Variants in AVL9 observed in about 807,000 individuals in gnomAD.
AVL9 encodes late secretory pathway protein AVL9 homolog.
AVL9 carries 49 observed loss-of-function variants against 79.2 expected under a neutral mutation model. The ratio of observed to expected loss-of-function variants is 0.62; its 90% CI spans 0.49 to 0.79. AVL9 has a LOEUF of 0.79. AVL9 is among the 30% of genes least tolerant of loss of function. The probability of loss-of-function intolerance (pLI) is 0.00; values close to 1 mark genes in which losing one functional copy is unlikely to be tolerated. For missense variants in AVL9, 682 were observed against 776.8 expected (o/e 0.88, Z 1.45); for synonymous variants, 299 against 280.6 (o/e 1.07, Z -0.65).
At chr7:32,579,428 A>ATATAT (rs1791283252) in intron 13 of AVL9, among the ~76,000 whole-genome samples, 2 of 3,284 alleles carry the variant, frequency 6.1e-4, no homozygotes, top group East Asian at 0.019. Context: ...TATATATATA[A>ATATAT]TATATATATT....
Position 32,510,963 on chromosome 7 carries a change from G to A in AVL9, c.93+15161G>A, listed in dbSNP as rs189253560. On this transcript the variant is annotated intron_variant, in intron 1 of 15. Transcript: ENST00000318709. Reference sequence around the variant, plus strand: ...GATTTGTGAGCCGTCAGGTCTGGTTGTGGGAGTCCACAATCCTGGCACTTC... The same window carrying A: ...GATTTGTGAGCCGTCAGGTCTGGTTATGGGAGTCCACAATCCTGGCACTTC... Among the ~76,000 whole-genome samples, 3 of 144,382 alleles carry A rather than the reference G, an allele frequency of 2.1e-5. No individual in the cohort carries two copies. In the East Asian group the frequency reaches 6.1e-4, roughly 30 times the overall value. 94.7% of individuals were successfully genotyped at this position (144,382 alleles called of 152,430 possible). A position where few individuals can be genotyped will look rare whatever the true frequency, so the allele number is the denominator to read the frequency against.
At chr7:32,580,713 T>TTC in intron 14 of AVL9, 89 bp from the exon 15 acceptor site, 3 of 722,820 alleles carry the variant, frequency 4.2e-6, no homozygotes, top group Non-Finnish European at 7.2e-6. Context: ...AGAGTGACTA[T>TTC]TGTGTGTGTG....
intron 1 of AVL9, among the ~76,000 whole-genome samples, chr7:32,497,904 G>T (rs1786929217): frequency 6.6e-6 from 1 of 152,148 alleles, no homozygotes; most frequent in Non-Finnish European, 1.5e-5. Flanking sequence ...GCCCGCCTCG[G>T]CCTCCCAAAG....
intron 11 of AVL9, among the ~76,000 whole-genome samples, chr7:32,572,801 C>CAAAAAAAAAAAAAAAAAAAAAAAAA (rs3080635): frequency 2.1e-5 from 2 of 93,472 alleles, no homozygotes; most frequent in African/African-American, 5.0e-5. Flanking sequence ...GACTCCGTCT[C>CAAAAAAAAAAAAAAAAAAAAAAAAA]AAAAAAAAAA....
chr7:32,510,844 G>A, intron 1 of AVL9, among the ~76,000 whole-genome samples: 1 of 109,256 alleles, frequency 9.2e-6, no homozygotes, highest in Non-Finnish European at 1.9e-5. Context: ...TCTCCAGGGT[G>A]AGATTCATGA....
intron 1 of AVL9, among the ~76,000 whole-genome samples, chr7:32,514,856 C>T (rs1002978719): frequency 5.9e-5 from 9 of 152,312 alleles, no homozygotes; most frequent in East Asian, 1.9e-4. Flanking sequence ...GGACTCAGCC[C>T]GCCTGCACCC....
At position 32,565,190 on chromosome 7, in the gene AVL9, T is replaced by A. The variant is rs148232995; in HGVS notation, c.1216-4830T>A. 1.2e-4 allele frequency among the ~76,000 whole-genome samples: 19 copies of A among 152,312 alleles called. No homozygotes were observed. In the East Asian group the frequency reaches 3.5e-3, roughly 28 times the overall value. On this transcript the variant is annotated intron_variant, in intron 10 of 15. Coordinates refer to ENST00000318709, the MANE Select transcript of AVL9 (RefSeq NM_015060.3). ...TAATCTCATGCATCAATTTTCTCCC[T>A]CTTTTCTAGTTACGAGATTATTGCC...
rs576304451 is a variant in AVL9, at chr7:32,559,202, C to A, written c.953C>A (p.Pro318His). The A allele has an allele frequency of 6.2e-6, 10 of 1,614,196 alleles. No homozygotes were observed. The South Asian group carries it at 9.9e-5, about 16-fold the overall frequency. Residue 318 changes from proline (P) to histidine (H), a missense_variant, in exon 10 of 16, where the codon CCT becomes CAT. Transcript: ENST00000318709. ...AATGATACCAATCAATATTTGAAAC[C>A]TCCATCTCGCCCATCTCCAGATTCT... is the stretch of plus-strand genomic sequence containing the variant. The part of the protein sequence containing the change: ...EPNDTNQYLK[P>H]PSRPSPDSSE...
At chr7:32,581,023 A>T in intron 15 of AVL9, 133 bp downstream of exon 15, 1 of 768,494 alleles carries the variant, frequency 1.3e-6, no homozygotes, top group Non-Finnish European at 2.1e-6. Context: ...AGAGTTTTTT[A>T]AATTTTTGTC....
chr7:32,502,406 A>AAAAAG lies in AVL9; in HGVS notation c.93+6607_93+6608insAGAAA, dbSNP rs201243248. Among the ~76,000 whole-genome samples the AAAAAG allele has an allele frequency of 3.4e-4, 47 of 140,170 alleles. No homozygotes were observed. The East Asian group carries it at 6.5e-3, about 19-fold the overall frequency. 92.0% of individuals were successfully genotyped at this position (140,170 alleles called of 152,430 possible). On this transcript the variant is annotated intron_variant, in intron 1 of 15. Coordinates refer to ENST00000318709, the MANE Select transcript of AVL9 (RefSeq NM_015060.3). Reference sequence around the variant, plus strand: ...AAACCCTTTCTCAAAAAAAAAAAAAAAAAGAAAGAAAAGGTATCAAACCAT... The same window carrying AAAAAG: ...AAACCCTTTCTCAAAAAAAAAAAAAAAAAAGAAAGAAAGAAAAGGTATCAAACCAT...
At position 32,562,591 on chromosome 7, in the gene AVL9, T is replaced by TTAA. The variant is rs1790375407; in HGVS notation, c.1215+3127_1215+3128insTAA. On this transcript the variant is annotated intron_variant, in intron 10 of 15. Transcript: ENST00000318709. Reference sequence around the variant, plus strand: ...GGATATCATTTCTTAATGTCAGTAATGCATTAAGATGAAGCAGTCAACTTC... The same window carrying TTAA: ...GGATATCATTTCTTAATGTCAGTAATTAAGCATTAAGATGAAGCAGTCAACTTC... The TTAA allele has an allele frequency of 4.1e-6, 4 of 969,954 alleles. No individual in the cohort carries two copies. In the African/African-American group the frequency reaches 7.0e-5, roughly 17 times the overall value. The allele number at this position is 969,954 out of a possible 1,614,324, so 60.1% of individuals were successfully genotyped here.
Position 32,580,926 on chromosome 7 carries a change from C to T in AVL9, c.1831+36C>T, listed in dbSNP as rs771566464. On this transcript the variant is annotated intron_variant, in intron 15 of 15. Transcript: ENST00000318709. ...CCTTTAGCCAGGAACAAATTGGAAT[C>T]ACAACACATCCATTTTCTATCTTTA... 4.2e-6 allele frequency: 6 copies of T among 1,423,960 alleles called. No individual in the cohort carries two copies. In the African/African-American group the frequency reaches 8.4e-5, roughly 20 times the overall value. The allele number at this position is 1,423,960 out of a possible 1,614,324, so 88.2% of individuals were successfully genotyped here.
Position 32,554,576 on chromosome 7 carries a change from C to T in AVL9, c.589C>T (p.Leu197=), listed in dbSNP as rs1000374867. The T allele has an allele frequency of 6.5e-7, 1 of 1,528,180 alleles. No homozygotes were observed. Among genetic ancestry groups the T allele is most frequent in the African/African-American group, 1.4e-5 (1 of 71,886 alleles). 94.7% of individuals were successfully genotyped at this position (1,528,180 alleles called of 1,614,324 possible). A position where few individuals can be genotyped will look rare whatever the true frequency, so the allele number is the denominator to read the frequency against. The change falls in exon 8 of 16, where the codon CTA becomes TTA. Residue 197 remains leucine (L), a synonymous_variant. Coordinates refer to ENST00000318709, the MANE Select transcript of AVL9 (RefSeq NM_015060.3). ...FRHKVLILFK[L]ILLEKKVLFY... Reference sequence around the variant, plus strand: ...TTTGCAGGTCTTAATCCTATTTAAGCTAATTCTTCTTGAAAAAAAGGTACG... The same window carrying T: ...TTTGCAGGTCTTAATCCTATTTAAGTTAATTCTTCTTGAAAAAAAGGTACG...
At chr7:32,574,324 T>G (rs1480543733) in intron 12 of AVL9, among the ~76,000 whole-genome samples, 1 of 152,116 alleles carries the variant, frequency 6.6e-6, no homozygotes, top group East Asian at 1.9e-4. Context: ...AGTTTTTCAT[T>G]TGTAAAAGAC....
chr7:32,527,551 A>T (rs11765222), intron 1 of AVL9, among the ~76,000 whole-genome samples: 50,580 of 151,410 alleles, frequency 0.33, 8,672 homozygotes, highest in South Asian at 0.44. Flanking sequence ...ACTTAAAAAA[A>T]AATAATTTTA....
chr7:32,499,800 T>A (rs1787035772), intron 1 of AVL9, among the ~76,000 whole-genome samples: 1 of 152,130 alleles, frequency 6.6e-6, no homozygotes, highest in Non-Finnish European at 1.5e-5. Context: ...CCTGTGTCCA[T>A]GTGTTCTCAT....
chr7:32,532,944 A>T (rs1248920426), intron 1 of AVL9: 8 of 152,368 alleles, frequency 5.3e-5, no homozygotes, highest in Non-Finnish European at 8.8e-5. Flanking sequence ...TGAGCACAGG[A>T]GGCCGAGGCT....
Position 32,570,054 on chromosome 7 carries a change from A to C in AVL9, c.1250A>C (p.Gln417Pro). ...TGTTTGCCTTACATGGCATTGCAGCAGCATCATCTTCTCTCCGATGTCACC... is the reference window on the plus strand; with the variant it reads ...TGTTTGCCTTACATGGCATTGCAGCCGCATCATCTTCTCTCCGATGTCACC... Reference protein sequence around the residue: ...YLCLPYMALQQHHLLSDVTVR... With the variant: ...YLCLPYMALQPHHLLSDVTVR... Residue 417 changes from glutamine to proline, a missense_variant, in exon 11 of 16, where the codon CAG becomes CCG. By Grantham distance (76) the Gln-to-Pro change is moderately conservative. Coordinates refer to ENST00000318709, the MANE Select transcript of AVL9 (RefSeq NM_015060.3). 1 of 1,614,208 alleles carries C rather than the reference A, an allele frequency of 6.2e-7. No individual in the cohort carries two copies. Among genetic ancestry groups the C allele is most frequent in the Non-Finnish European group, 8.5e-7 (1 of 1,180,028 alleles).
In AVL9 at chr7:32,559,178, A is replaced by G. The variant is rs1365506222; in HGVS notation, c.929A>G (p.Asn310Ser). 9 of 1,614,094 alleles carry G rather than the reference A, an allele frequency of 5.6e-6. No individual in the cohort carries two copies. The African/African-American group carries it at 6.7e-5, about 12-fold the overall frequency. ...GACAGCAGCAAAGGGCAGGAACCCA[A>G]TGATACCAATCAATATTTGAAACCT... ...VEDSSKGQEP[N>S]DTNQYLKPPS... Residue 310 changes from asparagine (N) to serine (S), a missense_variant, in exon 10 of 16, where the codon AAT becomes AGT. Physicochemically the swap from Asn to Ser is conservative, Grantham distance 46. Coordinates refer to ENST00000318709, the MANE Select transcript of AVL9 (RefSeq NM_015060.3).
Sources: gnomAD v4.1 joint callset for allele counts (sites outside exome capture counted in the v4.1 genomes callset) on GRCh38, gnomAD v4.1.1 for gene constraint, MANE v1.5 for transcripts, NCBI Gene and HGNC (gene_info 2026-07-23, HGNC 2026-07-21) for gene names.